SORBS2: variants seen among roughly 807,000 people sequenced by gnomAD.
The protein encoded by SORBS2 is sorbin and SH3 domain-containing protein 2.
Under a neutral mutation model 97.7 loss-of-function variants are expected in SORBS2, and 46 were observed. That is an observed-to-expected ratio of 0.47 (90% confidence interval 0.37 to 0.60). SORBS2 has a LOEUF of 0.60. SORBS2 is among the 20% of genes least tolerant of loss of function. SORBS2 has a pLI of 0.00. For synonymous variants in SORBS2, 476 were observed against 473.4 expected (o/e 1.01, Z -0.07); for missense variants, 1,316 against 1,282.3 (o/e 1.03, Z -0.40).
chr4:185,882,674 A>C (rs1446773376), intron 1 of SORBS2, among the ~76,000 whole-genome samples: 3 of 152,234 alleles, frequency 2.0e-5, no homozygotes, highest in Non-Finnish European at 4.4e-5. Flanking sequence ...CCCACACTAC[A>C]TAATTTTGAG....
intron 2 of SORBS2, among the ~76,000 whole-genome samples, chr4:185,715,922 C>T (rs1230483356): frequency 1.3e-5 from 2 of 152,178 alleles, no homozygotes; most frequent in Non-Finnish European, 2.9e-5. Context: ...CAGTCATGCC[C>T]ACTGTGCCAT....
intron 1 of SORBS2, among the ~76,000 whole-genome samples, chr4:185,848,347 AG>A (rs2149677546): frequency 1.3e-5 from 2 of 152,310 alleles, no homozygotes; most frequent in East Asian, 3.9e-4. Context: ...TTATTGGACA[AG>A]GAATGGTAAC....
At chr4:185,664,149 CG>C in intron 4 of SORBS2, among the ~76,000 whole-genome samples, 1 of 152,126 alleles carries the variant, frequency 6.6e-6, no homozygotes, top group East Asian at 1.9e-4. Flanking sequence ...CCACCGCGCC[CG>C]GCCTAGATTT....
At chr4:185,922,796 T>C (rs2099261526) in intron 1 of SORBS2, among the ~76,000 whole-genome samples, 2 of 152,214 alleles carry the variant, frequency 1.3e-5, no homozygotes, top group African/African-American at 2.4e-5. Flanking sequence ...CCTTTAAAAA[T>C]TGACATGCTC....
rs573787439 is a variant in SORBS2 at position 185,632,694 on chromosome 4, C to T, written c.397-2096G>A. Among the ~76,000 whole-genome samples, 15 of 152,254 alleles carry T rather than the reference C, an allele frequency of 9.9e-5. No individual in the cohort carries two copies. The South Asian group carries it at 2.9e-3, about 29-fold the overall frequency. On this transcript the variant is annotated intron_variant, in intron 4 of 14. Transcript: ENST00000418609. ...TCACAACACTCTTAGAACAACCCTA[C>T]AGTGATCAGAAAATTTGAATTGTCA...
intron 1 of SORBS2, among the ~76,000 whole-genome samples, chr4:185,824,145 C>T (rs1429450877): frequency 6.6e-6 from 1 of 152,148 alleles, no homozygotes; most frequent in African/African-American, 2.4e-5. Context: ...GTACTGGAGG[C>T]CAGAAGTCAG....
chr4:185,859,707 T>C (rs1006129881), intron 1 of SORBS2, among the ~76,000 whole-genome samples: 2 of 152,232 alleles, frequency 1.3e-5, no homozygotes, highest in Non-Finnish European at 2.9e-5. Flanking sequence ...GGGATCATTT[T>C]TAAGTCACCT....
intron 1 of SORBS2, among the ~76,000 whole-genome samples, chr4:185,780,638 C>T (rs2099023883): frequency 6.6e-6 from 1 of 152,210 alleles, no homozygotes; most frequent in African/African-American, 2.4e-5. Context: ...ATCTGGATTA[C>T]ATTCGGCAGT....
chr4:185,667,288 T>C (rs1014861844), intron 4 of SORBS2, among the ~76,000 whole-genome samples: 1 of 152,220 alleles, frequency 6.6e-6, no homozygotes, highest in South Asian at 2.1e-4. Flanking sequence ...TACTGCCTAG[T>C]AAATGTTTAA....
chr4:185,937,821 C>T lies in SORBS2; in HGVS notation c.-338+18375G>A, dbSNP rs117319503. On this transcript the variant is annotated intron_variant, in intron 1 of 20. Transcript: ENST00000284776. The stretch of plus-strand genomic sequence containing the variant: ...CCCCACAGGTGCTGTGCTGTGGAGT[C>T]GGCTCCAGCATCTACTCCTTTCTGT... Among the ~76,000 whole-genome samples, 150 of 152,172 alleles carry T rather than the reference C, an allele frequency of 9.9e-4. 2 individuals carry two copies. The East Asian group carries it at 0.019, about 19-fold the overall frequency.
At chr4:185,629,257 T>G (rs1225099526) in intron 5 of SORBS2, among the ~76,000 whole-genome samples, 12 of 152,174 alleles carry the variant, frequency 7.9e-5, no homozygotes, top group Non-Finnish European at 1.8e-4. Flanking sequence ...TGTGAGGGTC[T>G]GTGTGTCTTT....
At chr4:185,842,813 T>C (rs1561226782) in intron 1 of SORBS2, among the ~76,000 whole-genome samples, 1 of 150,130 alleles carries the variant, frequency 6.7e-6, no homozygotes, top group African/African-American at 2.5e-5. Flanking sequence ...TATATGCCTG[T>C]AGTACCAGCT....
chr4:185,818,076 C>T (rs139579399), intron 1 of SORBS2, among the ~76,000 whole-genome samples: 3 of 152,344 alleles, frequency 2.0e-5, no homozygotes, highest in African/African-American at 7.2e-5. Context: ...ACAGCACGTG[C>T]AGGTAGGAAA....
chr4:185,838,163 C>T (rs181580356), intron 1 of SORBS2, among the ~76,000 whole-genome samples: 6 of 152,370 alleles, frequency 3.9e-5, no homozygotes, highest in South Asian at 2.1e-4. Context: ...GCAGGGTGTG[C>T]GGGACCCATA....
chr4:185,614,159 G>GTTTTTTTTTTTT (rs34929054), intron 11 of SORBS2, among the ~76,000 whole-genome samples: 42 of 91,622 alleles, frequency 4.6e-4, no homozygotes, highest in East Asian at 1.2e-3. Flanking sequence ...GTTTTTTTGT[G>GTTTTTTTTTTTT]TTTTTTTTTT....
Position 185,587,704 on chromosome 4 carries a change from A to AG in SORBS2, c.2954-17dup. 1 of 1,601,130 alleles carries AG rather than the reference A, an allele frequency of 6.2e-7. No individual in the cohort carries two copies. The highest frequency in any genetic ancestry group is 8.6e-7 in the Non-Finnish European group (1 of 1,169,056). On this transcript the variant is annotated splice_polypyrimidine_tract_variant and intron_variant, in intron 14 of 14. Coordinates refer to ENST00000418609, the Ensembl canonical transcript of SORBS2. Reference sequence around the variant, plus strand: ...CTTGAGGTCCCTGAAAATAGAAGCGAGTCATGAAAGGGGGGTGACAACGAT... The same window carrying AG: ...CTTGAGGTCCCTGAAAATAGAAGCGAGGTCATGAAAGGGGGGTGACAACGAT...
intron 1 of SORBS2, among the ~76,000 whole-genome samples, chr4:185,808,132 G>A (rs1248696960): frequency 6.6e-6 from 1 of 152,004 alleles, no homozygotes; most frequent in African/African-American, 2.4e-5. Flanking sequence ...AAAATCAGCT[G>A]GAAGATAGCC....
chr4:185,879,926 G>A (rs1466025908), intron 1 of SORBS2, among the ~76,000 whole-genome samples: 6 of 152,156 alleles, frequency 3.9e-5, no homozygotes, highest in Admixed American at 3.3e-4. Flanking sequence ...CGAGAGCCAC[G>A]GTGACACGTA....
At position 185,678,805 on chromosome 4, in the gene SORBS2, G is replaced by T. The variant is rs780162054; in HGVS notation, c.-180C>A. ...AATATTTTTTCTGTACCTGAGTCTG[G>T]TGACTGAGAATCACGCCCTGAAAGA... On this transcript the variant is annotated 5_prime_UTR_variant, in exon 3 of 21. Coordinates refer to the SORBS2 transcript ENST00000284776. 6.8e-6 allele frequency: 10 copies of T among 1,464,620 alleles called. No individual in the cohort carries two copies. In the African/African-American group the frequency reaches 1.3e-4, roughly 19 times the overall value. The allele number at this position is 1,464,620 out of a possible 1,614,324, so 90.7% of individuals were successfully genotyped here.
Sources: gnomAD v4.1 joint callset for allele counts (sites outside exome capture counted in the v4.1 genomes callset) on GRCh38, gnomAD v4.1.1 for gene constraint, MANE v1.5 for transcripts, NCBI Gene and HGNC (gene_info 2026-07-23, HGNC 2026-07-21) for gene names.